Variants in IQCM observed in about 807,000 individuals in gnomAD.
IQCM encodes IQ motif containing M.
Under a neutral mutation model 57.6 loss-of-function variants are expected in IQCM, and 45 were observed. That is an observed-to-expected ratio of 0.78 (90% CI 0.62 to 1.00). The LOEUF is 1.00. Ranked by LOEUF, IQCM falls within the 50% of genes least tolerant of loss-of-function variation. The probability of loss-of-function intolerance (pLI) is 0.00; values close to 1 mark genes in which losing one functional copy is unlikely to be tolerated. For missense variants in IQCM, 468 were observed against 511.6 expected (o/e 0.91, Z 0.82); for synonymous variants, 148 against 158.9 (o/e 0.93, Z 0.51).
At chr4:149,491,496 G>A (rs1742091423) in intron 12 of IQCM, among the ~76,000 whole-genome samples, 1 of 151,978 alleles carries the variant, frequency 6.6e-6, no homozygotes, top group Non-Finnish European at 1.5e-5. Context: ...TTCACATGTA[G>A]GTGAGATCAT....
intron 2 of IQCM, among the ~76,000 whole-genome samples, chr4:149,767,163 G>A: frequency 6.6e-6 from 1 of 151,892 alleles, no homozygotes; most frequent in East Asian, 1.9e-4. Context: ...AGAATAGAAA[G>A]AGGTAAAATC....
Position 149,786,154 on chromosome 4 carries a change from T to C in IQCM, c.-49+29157A>G, listed in dbSNP as rs151301498. The stretch of plus-strand genomic sequence containing the variant: ...TTTCTGGACTTTGGAAATCACACAA[T>C]GAAGGGTCAGTGATTCCTGAGACAT... On this transcript the variant is annotated intron_variant, in intron 2 of 13. Coordinates refer to ENST00000636793, the MANE Select transcript of IQCM (RefSeq NM_001363507.2). Among the ~76,000 whole-genome samples, 19 of 152,266 alleles carry C rather than the reference T, an allele frequency of 1.2e-4. No homozygotes were observed. In the East Asian group the frequency reaches 3.7e-3, roughly 29 times the overall value.
chr4:149,651,408 T>C (rs1759167188), intron 7 of IQCM, among the ~76,000 whole-genome samples: 1 of 152,064 alleles, frequency 6.6e-6, no homozygotes, highest in South Asian at 2.1e-4. Context: ...CCCTTCAGTG[T>C]GGAAATAACC....
chr4:149,392,348 C>T (rs1333035774), intron 13 of IQCM, among the ~76,000 whole-genome samples: 1 of 151,956 alleles, frequency 6.6e-6, no homozygotes, highest in African/African-American at 2.4e-5. Flanking sequence ...CTATAGCTAG[C>T]CAGTGGTGAT....
intron 2 of IQCM, among the ~76,000 whole-genome samples, chr4:149,744,549 T>C (rs1767747435): frequency 6.6e-6 from 1 of 152,084 alleles, no homozygotes; most frequent in South Asian, 2.1e-4. Context: ...TGCAAAAAAC[T>C]AGCCAAGCAT....
At chr4:149,706,362 A>T (rs1174575423) in intron 5 of IQCM, among the ~76,000 whole-genome samples, 1 of 152,030 alleles carries the variant, frequency 6.6e-6, no homozygotes, top group African/African-American at 2.4e-5. Flanking sequence ...AAGAAGGTCA[A>T]AGCCAGAGGC....
intron 13 of IQCM, among the ~76,000 whole-genome samples, chr4:149,374,301 T>C (rs1168058923): frequency 1.3e-5 from 2 of 152,172 alleles, no homozygotes; most frequent in Non-Finnish European, 2.9e-5. Context: ...ACATTTCTAG[T>C]GTCTATTTCC....
chr4:149,720,542 G>T (rs73857716), intron 5 of IQCM, among the ~76,000 whole-genome samples: 1,987 of 152,228 alleles, frequency 0.013, 44 homozygotes, highest in African/African-American at 0.044. Context: ...TATAAAAAGA[G>T]AAAAAGTGTA....
chr4:149,558,011 G>C (rs1297921287), intron 10 of IQCM, among the ~76,000 whole-genome samples: 1 of 152,128 alleles, frequency 6.6e-6, no homozygotes. Context: ...AGCAGCATTG[G>C]AGACTATGGA....
chr4:149,546,220 A>T (rs997312350), intron 12 of IQCM, among the ~76,000 whole-genome samples: 3 of 152,190 alleles, frequency 2.0e-5, no homozygotes, highest in African/African-American at 4.8e-5. Context: ...TCTATCATTG[A>T]TGGACACTTG....
intron 13 of IQCM, among the ~76,000 whole-genome samples, chr4:149,389,333 C>A (rs1229915728): frequency 6.6e-6 from 1 of 151,944 alleles, no homozygotes; most frequent in African/African-American, 2.4e-5. Context: ...TAATCCCATT[C>A]CATTTATTGA....
At chr4:149,412,539 C>G (rs545306099) in intron 13 of IQCM, among the ~76,000 whole-genome samples, 2 of 152,242 alleles carry the variant, frequency 1.3e-5, no homozygotes, top group African/African-American at 4.8e-5. Context: ...CTTCTACTCA[C>G]TCATTCAAAA....
At chr4:149,767,646 G>A (rs1008959853) in intron 2 of IQCM, among the ~76,000 whole-genome samples, 1 of 152,000 alleles carries the variant, frequency 6.6e-6, no homozygotes, top group Non-Finnish European at 1.5e-5. Context: ...TTGTTTGAAG[G>A]CCTATGGTCT....
At chr4:149,444,958 C>A (rs1253381475) in intron 12 of IQCM, among the ~76,000 whole-genome samples, 2 of 151,814 alleles carry the variant, frequency 1.3e-5, no homozygotes, top group Non-Finnish European at 2.9e-5. Flanking sequence ...TTAAATTATC[C>A]CCTTTCTGTC....
At chr4:149,692,506 A>G (rs1440216701) in intron 5 of IQCM, among the ~76,000 whole-genome samples, 2 of 152,184 alleles carry the variant, frequency 1.3e-5, no homozygotes, top group African/African-American at 4.8e-5. Flanking sequence ...GAGAAAAAAA[A>G]CTGTTAAATA....
chr4:149,588,105 T>G, intron 8 of IQCM, 108 bp from the exon 9 acceptor site: 1 of 425,138 alleles, frequency 2.4e-6, no homozygotes, highest in Non-Finnish European at 3.9e-6. Flanking sequence ...AGAATCATTA[T>G]AATATATATT....
At chr4:149,419,160 CA>C in intron 13 of IQCM, among the ~76,000 whole-genome samples, 1 of 151,878 alleles carries the variant, frequency 6.6e-6, no homozygotes, top group Admixed American at 6.6e-5. Flanking sequence ...CATATGGAAC[CA>C]AAAAAAGAGC....
intron 12 of IQCM, among the ~76,000 whole-genome samples, chr4:149,459,409 T>C (rs926122580): frequency 4.6e-5 from 7 of 152,186 alleles, no homozygotes; most frequent in African/African-American, 1.7e-4. Flanking sequence ...ACACACCCCT[T>C]TTCCCCAACT....
At chr4:149,665,710 C>A (rs1049287165) in intron 7 of IQCM, among the ~76,000 whole-genome samples, 2 of 152,132 alleles carry the variant, frequency 1.3e-5, no homozygotes, top group Non-Finnish European at 2.9e-5. Flanking sequence ...TTCCATCACA[C>A]TAATTGGACA....
Sources: gnomAD v4.1 joint callset for allele counts (sites outside exome capture counted in the v4.1 genomes callset) on GRCh38, gnomAD v4.1.1 for gene constraint, MANE v1.5 for transcripts, NCBI Gene and HGNC (gene_info 2026-07-23, HGNC 2026-07-21) for gene names.